Variants in PTK2 observed in about 807,000 individuals in gnomAD.
The protein encoded by PTK2 is focal adhesion kinase 1.
In PTK2, 45 loss-of-function variants were observed where a neutral mutation model predicts 150.1. The observed-to-expected ratio is 0.30, with a 90% CI of 0.24 to 0.38. The LOEUF (loss-of-function observed/expected upper bound fraction) is 0.38. Ranked by LOEUF, PTK2 falls within the 10% of genes least tolerant of loss-of-function variation. PTK2 has a pLI of 1.00. For synonymous variants in PTK2, 432 were observed against 449.2 expected (o/e 0.96, Z 0.48); for missense variants, 919 against 1,307.3 (o/e 0.70, Z 4.58).
At chr8:140,772,184 C>G (rs977901166) in intron 14 of PTK2, among the ~76,000 whole-genome samples, 1 of 152,130 alleles carries the variant, frequency 6.6e-6, no homozygotes, top group Non-Finnish European at 1.5e-5. Flanking sequence ...TATGATGGCC[C>G]TAGAGGAAAG....
chr8:140,827,190 C>T (rs1442341209), intron 8 of PTK2, among the ~76,000 whole-genome samples: 1 of 152,160 alleles, frequency 6.6e-6, no homozygotes, highest in African/African-American at 2.4e-5. Flanking sequence ...TCAACTCCTA[C>T]CTCAGCATTT....
chr8:140,752,731 A>G (rs1375321909), intron 16 of PTK2, among the ~76,000 whole-genome samples: 1 of 152,286 alleles, frequency 6.6e-6, no homozygotes, highest in Non-Finnish European at 1.5e-5. Context: ...GAAAAGGGAG[A>G]GAGCAGATCA....
intron 5 of PTK2, among the ~76,000 whole-genome samples, chr8:140,861,226 G>A (rs1386202487): frequency 2.6e-5 from 4 of 152,112 alleles, no homozygotes; most frequent in African/African-American, 9.7e-5. Flanking sequence ...GCACGCACCT[G>A]TAGTCCCAAC....
chr8:140,782,637 G>C (rs1291762356), intron 14 of PTK2, among the ~76,000 whole-genome samples: 3 of 151,740 alleles, frequency 2.0e-5, no homozygotes, highest in Non-Finnish European at 2.9e-5. Context: ...CTCAAATTAG[G>C]GCAAGGTTTT....
chr8:140,746,589 T>G, intron 18 of PTK2, 171 bp downstream of exon 21: 1 of 485,252 alleles, frequency 2.1e-6, no homozygotes, highest in Non-Finnish European at 3.6e-6. Flanking sequence ...CTTTGGGAAT[T>G]TAATGATGAA....
intron 7 of PTK2, chr8:140,833,101 G>A: frequency 3.9e-6 from 2 of 517,544 alleles, no homozygotes; most frequent in Admixed American, 2.0e-5. Flanking sequence ...AAAAATGAAA[G>A]GAAGCATATG....
In PTK2 at chr8:140,717,562, G is replaced by C. The variant is rs746011266; in HGVS notation, c.2142+36C>G. 5 of 1,508,134 alleles carry C rather than the reference G, an allele frequency of 3.3e-6. No homozygotes were observed. In the East Asian group the frequency reaches 1.1e-4, roughly 34 times the overall value. The allele number at this position is 1,508,134 out of a possible 1,614,324, so 93.4% of individuals were successfully genotyped here. On this transcript the variant is annotated intron_variant, in intron 23 of 31. Transcript: ENST00000522684. Reference sequence around the variant, plus strand: ...AACTGTAAATCTTGAAAGTTAGTAAGAGTAACCCCAAAGTTGGGGTGGGGA... The same window carrying C: ...AACTGTAAATCTTGAAAGTTAGTAACAGTAACCCCAAAGTTGGGGTGGGGA...
At chr8:140,987,705 G>A (rs2100193846) in intron 1 of PTK2, among the ~76,000 whole-genome samples, 1 of 152,102 alleles carries the variant, frequency 6.6e-6, no homozygotes, top group Non-Finnish European at 1.5e-5. Context: ...ACTGCTGGTG[G>A]GAATGCAAAA....
rs558683909 is a variant in PTK2, at chr8:140,742,050, T to C, written c.1735+1180A>G. On this transcript the variant is annotated intron_variant, in intron 20 of 31. Transcript: ENST00000522684. ...ATTTGGGAGGCTAAGGTGGGTGGAATGCTTGAGCTCAGGAGGTCGAGACTG... is the reference window on the plus strand; with the variant it reads ...ATTTGGGAGGCTAAGGTGGGTGGAACGCTTGAGCTCAGGAGGTCGAGACTG... Among the ~76,000 whole-genome samples the C allele has an allele frequency of 2.6e-5, 4 of 152,202 alleles. No individual in the cohort carries two copies. The East Asian group carries it at 7.7e-4, about 29-fold the overall frequency.
rs73356535 is a variant in PTK2, at chr8:140,937,508, C to G, written c.-121-11759G>C. On this transcript the variant is annotated intron_variant, in intron 1 of 31. Coordinates refer to ENST00000522684, the Ensembl canonical transcript of PTK2. ...TTGGCACCCTTGAATTACCCAGGAA[C>G]CACCTTTGACTACAGGCATTTGCTA... 4.2e-3 allele frequency among the ~76,000 whole-genome samples: 639 copies of G among 151,596 alleles called. 9 individuals are homozygous for G. Among genetic ancestry groups the G allele is most frequent in the African/African-American group, 0.015 (607 of 41,370 alleles).
At chr8:140,911,582 TA>T (rs1257489296) in intron 2 of PTK2, among the ~76,000 whole-genome samples, 4 of 152,178 alleles carry the variant, frequency 2.6e-5, no homozygotes, top group Admixed American at 2.6e-4. Context: ...CAATGACTTT[TA>T]AAATACACAT....
At chr8:140,718,807 C>G (rs545213295) in intron 22 of PTK2, 1 of 152,300 alleles carries the variant, frequency 6.6e-6, no homozygotes, top group East Asian at 1.9e-4. Context: ...ATAACTGCCC[C>G]AAGTCAGCAA....
At position 140,762,408 on chromosome 8, in the gene PTK2, G is replaced by T; in HGVS notation, c.1235-1146C>A. 1 of 1,125,838 alleles carries T rather than the reference G, an allele frequency of 8.9e-7. No homozygotes were observed. Among genetic ancestry groups the T allele is most frequent in the South Asian group, 2.0e-5 (1 of 51,088 alleles). The allele number at this position is 1,125,838 out of a possible 1,614,324, so 69.7% of individuals were successfully genotyped here. A position where few individuals can be genotyped will look rare whatever the true frequency, so the allele number is the denominator to read the frequency against. ...AGCTTTCTGTATTGCAATTAAGAGA[G>T]AAAAAAATTGAAGACCTTGCTTAGA... On this transcript the variant is annotated intron_variant, in intron 15 of 31. Coordinates refer to ENST00000522684, the Ensembl canonical transcript of PTK2.
intron 14 of PTK2, among the ~76,000 whole-genome samples, chr8:140,768,074 T>C (rs2154555437): frequency 6.6e-6 from 1 of 152,270 alleles, no homozygotes; most frequent in Non-Finnish European, 1.5e-5. Context: ...TATTTAATAA[T>C]GACATTGACT....
chr8:140,934,592 C>T (rs566659010), intron 1 of PTK2: 1 of 152,332 alleles, frequency 6.6e-6, no homozygotes, highest in African/African-American at 2.4e-5. Context: ...CCAGTGGCTT[C>T]CCATCTGACT....
intron 4 of PTK2, among the ~76,000 whole-genome samples, chr8:140,865,853 G>A (rs1051139066): frequency 1.5e-4 from 23 of 152,012 alleles, no homozygotes; most frequent in Non-Finnish European, 2.6e-4. Context: ...GCACAATCTC[G>A]GCTCACTGCA....
At chr8:140,959,538 CA>C (rs34010616) in intron 1 of PTK2, among the ~76,000 whole-genome samples, 39,089 of 85,160 alleles carry the variant, frequency 0.46, 6,784 homozygotes, top group Middle Eastern at 0.58. Context: ...GACTCTGTCT[CA>C]AAAAAAAAAA....
intron 1 of PTK2, among the ~76,000 whole-genome samples, chr8:140,962,732 G>A (rs1394769368): frequency 1.3e-5 from 2 of 151,844 alleles, no homozygotes; most frequent in East Asian, 3.9e-4. Context: ...AGTGAGCTGA[G>A]ATCACGCCAC....
intron 14 of PTK2, among the ~76,000 whole-genome samples, chr8:140,781,675 C>T (rs2100081748): frequency 6.6e-6 from 1 of 152,210 alleles, no homozygotes; most frequent in African/African-American, 2.4e-5. Context: ...CCAGGGAGGT[C>T]TGTGAGTTTC....
Sources: gnomAD v4.1 joint callset for allele counts (sites outside exome capture counted in the v4.1 genomes callset) on GRCh38, gnomAD v4.1.1 for gene constraint, MANE v1.5 for transcripts, NCBI Gene and HGNC (gene_info 2026-07-23, HGNC 2026-07-21) for gene names.